Variants in IL1RAP observed in about 807,000 individuals in gnomAD.
IL1RAP encodes interleukin-1 receptor accessory protein.
In IL1RAP, 35 loss-of-function variants were observed where a neutral mutation model predicts 60.7. The observed-to-expected ratio is 0.58, with a 90% confidence interval of 0.44 to 0.76. IL1RAP has a LOEUF of 0.76. IL1RAP is among the 30% of genes least tolerant of loss of function. IL1RAP has a pLI of 0.00. For missense variants in IL1RAP, 572 were observed against 693.9 expected, an observed-to-expected ratio of 0.82 and a Z score of 1.97; for synonymous variants, 268 against 250.9, an observed-to-expected ratio of 1.07 and a Z score of -0.64.
intron 1 of IL1RAP, among the ~76,000 whole-genome samples, chr3:190,532,322 G>A (rs888297673): frequency 8.7e-5 from 13 of 149,952 alleles, no homozygotes; most frequent in East Asian, 7.8e-4. Context: ...GAGTGCAGTG[G>A]CACCATCTCG....
chr3:190,560,884 C>T (rs1371117230), intron 2 of IL1RAP, among the ~76,000 whole-genome samples: 5 of 152,164 alleles, frequency 3.3e-5, no homozygotes, highest in Non-Finnish European at 5.9e-5. Context: ...TTTAAATCTT[C>T]TTGCTAAATG....
intron 5 of IL1RAP, among the ~76,000 whole-genome samples, chr3:190,612,453 G>GTCC (rs139260894): frequency 0.025 from 3,748 of 152,032 alleles, 55 homozygotes; most frequent in Non-Finnish European, 0.036. Flanking sequence ...TGCCTAGAAT[G>GTCC]TCCTCCCTTT....
chr3:190,587,639 A>G (rs1728578658), intron 3 of IL1RAP, among the ~76,000 whole-genome samples: 1 of 152,280 alleles, frequency 6.6e-6, no homozygotes, highest in Admixed American at 6.5e-5. Flanking sequence ...AGAAAGGATC[A>G]GTAGCGAGTT....
chr3:190,589,095 A>C (rs1381056376), intron 3 of IL1RAP, among the ~76,000 whole-genome samples: 1 of 152,142 alleles, frequency 6.6e-6, no homozygotes, highest in African/African-American at 2.4e-5. Flanking sequence ...TTTTGAATCC[A>C]CCTTCCAGCT....
At chr3:190,544,794 A>C (rs1421704827) in intron 1 of IL1RAP, among the ~76,000 whole-genome samples, 2 of 152,220 alleles carry the variant, frequency 1.3e-5, no homozygotes, top group Admixed American at 1.3e-4. Flanking sequence ...AGCATCCTGA[A>C]AGGCCCTGAA....
chr3:190,597,364 A>G (rs926880830), intron 3 of IL1RAP, among the ~76,000 whole-genome samples: 3 of 152,158 alleles, frequency 2.0e-5, no homozygotes, highest in South Asian at 2.1e-4. Flanking sequence ...AGTTGCTATC[A>G]CAAATCTCAG....
chr3:190,548,598 C>A (rs545705419), intron 1 of IL1RAP, among the ~76,000 whole-genome samples: 1 of 152,090 alleles, frequency 6.6e-6, no homozygotes, highest in South Asian at 2.1e-4. Flanking sequence ...ACTTAGATTC[C>A]CAGTCAAAAA....
intron 3 of IL1RAP, among the ~76,000 whole-genome samples, chr3:190,586,819 C>G (rs1037105994): frequency 1.3e-5 from 2 of 149,252 alleles, no homozygotes; most frequent in African/African-American, 5.2e-5. Context: ...TTCGGAGTCT[C>G]CACTGGAAAC....
At position 190,636,271 on chromosome 3, in the gene IL1RAP, T is replaced by C. The variant is rs562948728; in HGVS notation, c.1051+6773T>C. On this transcript the variant is annotated intron_variant, in intron 9 of 11. Coordinates refer to ENST00000447382, the MANE Select transcript of IL1RAP (RefSeq NM_002182.4). ...TTCAATATCCTTCTGATTTTTCCAA[T>C]ATACTTTGTTATTCAGTTATTAAAA... 2.3e-3 allele frequency among the ~76,000 whole-genome samples: 345 copies of C among 152,354 alleles called. 2 individuals carry two copies. Among genetic ancestry groups the C allele is most frequent in the Non-Finnish European group, 4.0e-3 (273 of 68,038 alleles).
intron 3 of IL1RAP, among the ~76,000 whole-genome samples, chr3:190,566,057 C>T (rs1187462599): frequency 1.3e-5 from 2 of 151,760 alleles, no homozygotes; most frequent in Admixed American, 6.6e-5. Context: ...TTTCTGCCTC[C>T]CTTCTTTCCT....
intron 1 of IL1RAP, among the ~76,000 whole-genome samples, chr3:190,525,892 A>G (rs6778764): frequency 0.054 from 8,191 of 152,296 alleles, 437 homozygotes; most frequent in African/African-American, 0.13. Flanking sequence ...TATGTAATCA[A>G]TTCCCCAAAA....
intron 1 of IL1RAP, among the ~76,000 whole-genome samples, chr3:190,552,234 G>A (rs1724926784): frequency 6.6e-6 from 1 of 152,124 alleles, no homozygotes; most frequent in Non-Finnish European, 1.5e-5. Context: ...AACTTAACAA[G>A]CAAAAATCCT....
intron 3 of IL1RAP, among the ~76,000 whole-genome samples, chr3:190,583,040 A>G (rs1304233280): frequency 6.6e-6 from 1 of 152,200 alleles, no homozygotes; most frequent in Non-Finnish European, 1.5e-5. Flanking sequence ...GGAACATCCC[A>G]TCTCCTGCCC....
At chr3:190,620,980 A>G (rs968810493) in intron 6 of IL1RAP, among the ~76,000 whole-genome samples, 2 of 152,200 alleles carry the variant, frequency 1.3e-5, no homozygotes, top group Non-Finnish European at 2.9e-5. Context: ...ATTTTGCACT[A>G]AGAGAATAGG....
At chr3:190,579,347 T>C (rs889969835) in intron 3 of IL1RAP, among the ~76,000 whole-genome samples, 2 of 152,234 alleles carry the variant, frequency 1.3e-5, no homozygotes, top group South Asian at 4.1e-4. Flanking sequence ...AATGATATCA[T>C]ACAGTATTTA....
intron 1 of IL1RAP, among the ~76,000 whole-genome samples, chr3:190,552,851 G>A (rs1439161851): frequency 6.6e-6 from 1 of 152,126 alleles, no homozygotes; most frequent in African/African-American, 2.4e-5. Flanking sequence ...CCAAGAAAAG[G>A]AAAACATAAA....
intron 9 of IL1RAP, chr3:190,642,068 A>G (rs1294679789): frequency 6.6e-6 from 1 of 152,236 alleles, no homozygotes; most frequent in African/African-American, 2.4e-5. Flanking sequence ...TCAAAACTCT[A>G]TGATTCACCC....
intron 3 of IL1RAP, among the ~76,000 whole-genome samples, chr3:190,598,669 T>C (rs1451002498): frequency 1.3e-5 from 2 of 152,180 alleles, no homozygotes; most frequent in African/African-American, 4.8e-5. Flanking sequence ...GACAACAACT[T>C]GGATGTCTTA....
At chr3:190,544,979 T>G (rs1724245686) in intron 1 of IL1RAP, among the ~76,000 whole-genome samples, 1 of 152,206 alleles carries the variant, frequency 6.6e-6, no homozygotes, top group African/African-American at 2.4e-5. Flanking sequence ...TAAGATAATT[T>G]AAGAATGAAA....
Sources: allele counts gnomAD v4.1 joint callset (sites outside exome capture counted in the v4.1 genomes callset), GRCh38; gene constraint gnomAD v4.1.1; transcripts MANE v1.5; gene names NCBI Gene and HGNC (gene_info 2026-07-23, HGNC 2026-07-21).